PRPF39: variants seen among roughly 807,000 people sequenced by gnomAD.
The protein encoded by PRPF39 is pre-mRNA-processing factor 39.
PRPF39 carries 27 observed loss-of-function variants against 82.1 expected under a neutral mutation model. That is an observed-to-expected ratio of 0.33 (90% CI 0.24 to 0.45). PRPF39 has a LOEUF of 0.45. PRPF39 is among the 20% of genes least tolerant of loss of function. The pLI is 1.00. For missense variants in PRPF39, 581 were observed against 796.9 expected (o/e 0.73, Z 3.26); for synonymous variants, 261 against 256.4 (o/e 1.02, Z -0.17).
At chr14:45,108,179 T>C (rs1419699274) in intron 6 of PRPF39, among the ~76,000 whole-genome samples, 1 of 152,150 alleles carries the variant, frequency 6.6e-6, no homozygotes, top group East Asian at 1.9e-4. Flanking sequence ...CTAGGTTGTG[T>C]ATCTACTAGC....
chr14:45,110,908 C>T lies in PRPF39; in HGVS notation c.1572+91C>T. On this transcript the variant is annotated intron_variant, in intron 10 of 13. Transcript: ENST00000355765. This position sits in a 1 kb window ranked among gnomAD's most constrained non-coding sequence, Gnocchi z 4.0. ...TGGCAACTGTGATGAAAGATTTGGT[C>T]TGTATGTAATAGATTTTATTACTAA... 1 of 1,233,292 alleles carries T rather than the reference C, an allele frequency of 8.1e-7. No individual in the cohort carries two copies. Among genetic ancestry groups the T allele is most frequent in the Non-Finnish European group, 1.1e-6 (1 of 898,244 alleles). The allele number at this position is 1,233,292 out of a possible 1,614,324, so 76.4% of individuals were successfully genotyped here. A position where few individuals can be genotyped will look rare whatever the true frequency, so the allele number is the denominator to read the frequency against.
At chr14:45,101,478 A>G (rs1466404560) in intron 4 of PRPF39, among the ~76,000 whole-genome samples, 1 of 150,848 alleles carries the variant, frequency 6.6e-6, no homozygotes, top group Admixed American at 6.6e-5. Context: ...TTTTCTTTGG[A>G]GACAGAGTCT....
At chr14:45,093,489 G>T (rs965748202) in intron 1 of PRPF39, among the ~76,000 whole-genome samples, 2 of 151,762 alleles carry the variant, frequency 1.3e-5, no homozygotes, top group Non-Finnish European at 2.9e-5. Context: ...CTCCCAAAGT[G>T]CTGGGATTAC....
intron 4 of PRPF39, among the ~76,000 whole-genome samples, chr14:45,101,652 G>C (rs566849632): frequency 5.3e-5 from 8 of 152,146 alleles, no homozygotes; most frequent in Middle Eastern, 3.4e-3. Flanking sequence ...TTTTAGTAGA[G>C]ATGGGGTTTC....
At chr14:45,108,570 AATTT>A in intron 7 of PRPF39, 48 bp downstream of exon 7, 2 of 1,546,880 alleles carry the variant, frequency 1.3e-6, no homozygotes, top group Non-Finnish European at 1.7e-6. Context: ...AAGTAGGAAT[AATTT>A]ATTTTTCTTT....
Position 45,104,592 on chromosome 14 carries a change from G to T in PRPF39, c.737+1896G>T, listed in dbSNP as rs151281093. On this transcript the variant is annotated intron_variant, in intron 5 of 13. Transcript: ENST00000355765. ...TGGTCAGAAGGATAGAGGAGGAGGC[G>T]TGTGTTAAAAAAGATATTCTAAGTG... 8.4e-4 allele frequency among the ~76,000 whole-genome samples: 128 copies of T among 152,252 alleles called. 1 individual carries two copies. The highest frequency in any genetic ancestry group is 6.2e-4 in the South Asian group (3 of 4,826).
At chr14:45,101,563 T>G (rs1284711378) in intron 4 of PRPF39, among the ~76,000 whole-genome samples, 1 of 151,944 alleles carries the variant, frequency 6.6e-6, no homozygotes, top group Non-Finnish European at 1.5e-5. Flanking sequence ...CCTCCCAGGT[T>G]CAAGTGATTC....
intron 6 of PRPF39, 52 bp downstream of exon 6, chr14:45,107,668 C>T: frequency 2.0e-6 from 3 of 1,501,262 alleles, no homozygotes; most frequent in African/African-American, 1.4e-5. Flanking sequence ...GTGGCTTATG[C>T]CTGTAATCGC....
Position 45,102,775 on chromosome 14 carries a change from G to C in PRPF39, c.737+79G>C, listed in dbSNP as rs747740640. 351 of 1,318,966 alleles carry C rather than the reference G, an allele frequency of 2.7e-4. 2 individuals carry two copies. Among genetic ancestry groups the C allele is most frequent in the South Asian group, 7.2e-5 (5 of 69,450 alleles). 81.7% of individuals were successfully genotyped at this position (1,318,966 alleles called of 1,614,324 possible). Reference sequence around the variant, plus strand: ...AATATTAAGTATTATAATTATCTTGGAATGTTATGTAAGCTTTTATTATGT... The same window carrying C: ...AATATTAAGTATTATAATTATCTTGCAATGTTATGTAAGCTTTTATTATGT... On this transcript the variant is annotated intron_variant, in intron 5 of 13. Transcript: ENST00000355765.
chr14:45,107,379 A>G (rs952870266), intron 5 of PRPF39, 72 bp from the exon 6 acceptor site: 8 of 1,155,642 alleles, frequency 6.9e-6, no homozygotes, highest in African/African-American at 1.6e-5. Context: ...AAAGAGTAGT[A>G]TATAGTAGGA....
chr14:45,101,703 T>G (rs1884380236), intron 4 of PRPF39, among the ~76,000 whole-genome samples: 1 of 152,118 alleles, frequency 6.6e-6, no homozygotes, highest in African/African-American at 2.4e-5. Flanking sequence ...TGGCCTCATG[T>G]GCTGGAATTA....
intron 1 of PRPF39, among the ~76,000 whole-genome samples, chr14:45,091,704 T>G (rs768576185): frequency 3.3e-5 from 5 of 152,020 alleles, no homozygotes; most frequent in Admixed American, 6.6e-5. Context: ...AAATAAAAAT[T>G]TTACTTACTC....
intron 3 of PRPF39, chr14:45,096,481 G>T: frequency 6.9e-7 from 1 of 1,459,576 alleles, no homozygotes; most frequent in Non-Finnish European, 9.2e-7. Context: ...GTATTACACT[G>T]CAGCTTAACA....
chr14:45,088,671 A>G (rs1001047369), intron 1 of PRPF39, among the ~76,000 whole-genome samples: 15 of 152,320 alleles, frequency 9.8e-5, no homozygotes, highest in African/African-American at 3.6e-4. Context: ...ATTTAACAAA[A>G]TATTTGCTCA....
At chr14:45,104,826 GTGT>G (rs1333085899) in intron 5 of PRPF39, among the ~76,000 whole-genome samples, 1 of 152,156 alleles carries the variant, frequency 6.6e-6, no homozygotes, top group African/African-American at 2.4e-5. Context: ...CCAAAGGGCA[GTGT>G]TGTTTTATAT....
chr14:45,114,130 A>G lies in PRPF39; in HGVS notation c.1758-53A>G, dbSNP rs148788467. The G allele has an allele frequency of 6.1e-3, 7,985 of 1,315,216 alleles. 43 individuals are homozygous for G. The highest frequency in any genetic ancestry group is 7.3e-3 in the Non-Finnish European group (6,989 of 954,568). The allele number at this position is 1,315,216 out of a possible 1,614,324, so 81.5% of individuals were successfully genotyped here. On this transcript the variant is annotated intron_variant, in intron 11 of 13. Coordinates refer to ENST00000355765, the MANE Select transcript of PRPF39 (RefSeq NM_017922.4). ...TAAGTAAAAACAACTTTAAATATTT[A>G]ATAAAGTTTGTTTTTTGTATATTCC...
chr14:45,102,241 ATACT>A (rs1566695128), intron 4 of PRPF39, among the ~76,000 whole-genome samples: 3 of 152,330 alleles, frequency 2.0e-5, no homozygotes, highest in South Asian at 2.1e-4. Context: ...GATTTAACAA[ATACT>A]TACATGTCTA....
chr14:45,098,461 AAG>A (rs200689766), intron 4 of PRPF39, among the ~76,000 whole-genome samples: 24 of 150,988 alleles, frequency 1.6e-4, no homozygotes, highest in African/African-American at 4.8e-4. Context: ...AAAAAAAAAA[AAG>A]AGAGAGAGAT....
rs1884667058 is a variant in PRPF39 at position 45,110,438 on chromosome 14, C to T, written c.1304-111C>T. Reference sequence around the variant, plus strand: ...AGTGTGTAAATATGCATGGCTGTTTCCCATTATTAGTTGCTGGATTTAGCC... The same window carrying T: ...AGTGTGTAAATATGCATGGCTGTTTTCCATTATTAGTTGCTGGATTTAGCC... On this transcript the variant is annotated intron_variant, in intron 9 of 13. Transcript: ENST00000355765. The surrounding 1 kb of genome is among the most constrained non-coding windows in gnomAD (Gnocchi z 4.0). The T allele has an allele frequency of 7.9e-7, 1 of 1,260,788 alleles. No individual in the cohort carries two copies. Among genetic ancestry groups the T allele is most frequent in the Admixed American group, 2.5e-5 (1 of 40,280 alleles). 78.1% of individuals were successfully genotyped at this position (1,260,788 alleles called of 1,614,324 possible).
Sources: gnomAD v4.1 joint callset for allele counts (sites outside exome capture counted in the v4.1 genomes callset) on GRCh38, gnomAD v4.1.1 for gene constraint, Gnocchi (gnomAD v3.1) non-coding constraint, MANE v1.5 for transcripts, NCBI Gene and HGNC (gene_info 2026-07-23, HGNC 2026-07-21) for gene names.